Variants in CSNK1G1 observed in about 807,000 individuals in gnomAD.
CSNK1G1 encodes the protein casein kinase I isoform gamma-1.
A neutral mutation model predicts 59.6 loss-of-function variants in CSNK1G1; 22 were observed. The ratio of observed to expected loss-of-function variants is 0.37; its 90% CI spans 0.26 to 0.53. The LOEUF (loss-of-function observed/expected upper bound fraction) is 0.53. Among genes scored for constraint, CSNK1G1 ranks in the 20% least tolerant of loss-of-function variants. CSNK1G1 has a pLI of 0.89. For missense variants in CSNK1G1, 384 were observed against 519.5 expected, an observed-to-expected ratio of 0.74 and a Z score of 2.54; for synonymous variants, 179 against 177.1, an observed-to-expected ratio of 1.01 and a Z score of -0.08.
chr15:64,227,062 A>G (rs1364318032), intron 4 of CSNK1G1, among the ~76,000 whole-genome samples: 1 of 152,238 alleles, frequency 6.6e-6, no homozygotes, highest in East Asian at 1.9e-4. Flanking sequence ...TATGGTTAAA[A>G]TAAGTACTAA....
At chr15:64,221,595 T>C (rs1426215352) in intron 4 of CSNK1G1, among the ~76,000 whole-genome samples, 1 of 151,742 alleles carries the variant, frequency 6.6e-6, no homozygotes, top group Non-Finnish European at 1.5e-5. Context: ...AGGTCCGAGA[T>C]ACCAGTGTAG....
intron 2 of CSNK1G1, among the ~76,000 whole-genome samples, chr15:64,267,256 CAAAAAAAA>C (rs199581105): frequency 3.4e-4 from 21 of 61,850 alleles, no homozygotes; most frequent in Middle Eastern, 8.2e-3. Context: ...GACCTTATCT[CAAAAAAAA>C]AAAAAAAAAA....
Position 64,266,709 on chromosome 15 carries a change from C to G in CSNK1G1, c.182-7468G>C, listed in dbSNP as rs1372553204. 2.6e-5 allele frequency among the ~76,000 whole-genome samples: 4 copies of G among 152,234 alleles called. No individual in the cohort carries two copies. The East Asian group carries it at 7.7e-4, about 29-fold the overall frequency. Reference sequence around the variant, plus strand: ...GAATAGAGAACTCAGAAATAAATCTCCACATTTACAGGTAACTGATTTTCG... The same window carrying G: ...GAATAGAGAACTCAGAAATAAATCTGCACATTTACAGGTAACTGATTTTCG... On this transcript the variant is annotated intron_variant, in intron 2 of 11. Coordinates refer to ENST00000303052, the MANE Select transcript of CSNK1G1 (RefSeq NM_022048.5).
intron 1 of CSNK1G1, chr15:64,316,901 T>G (rs1896301429): frequency 6.6e-6 from 1 of 152,194 alleles, no homozygotes; most frequent in Non-Finnish European, 1.5e-5. Flanking sequence ...GTGGACCCCC[T>G]TACAGTTGTA....
intron 4 of CSNK1G1, among the ~76,000 whole-genome samples, chr15:64,230,385 C>T (rs1457509737): frequency 6.6e-6 from 1 of 151,930 alleles, no homozygotes; most frequent in African/African-American, 2.4e-5. Context: ...GCAGCCTTGA[C>T]TTCCCAGGCT....
intron 1 of CSNK1G1, 78 bp from the exon 2 acceptor site, chr15:64,300,801 G>A: frequency 1.1e-6 from 1 of 920,916 alleles, no homozygotes; most frequent in Non-Finnish European, 1.4e-6. Context: ...CAATTAGAAT[G>A]AATCCTATCC....
chr15:64,304,299 C>A (rs1433966598), intron 1 of CSNK1G1, among the ~76,000 whole-genome samples: 1 of 145,444 alleles, frequency 6.9e-6, no homozygotes, highest in Non-Finnish European at 1.5e-5. Flanking sequence ...AGGAGAATCG[C>A]TTGAACCTGG....
intron 11 of CSNK1G1, among the ~76,000 whole-genome samples, chr15:64,177,386 G>A (rs2081753710): frequency 1.3e-5 from 2 of 152,112 alleles, no homozygotes; most frequent in African/African-American, 4.8e-5. Flanking sequence ...GTGGACACAG[G>A]GCTACCCTTT....
chr15:64,287,296 C>T (rs1183488984), intron 2 of CSNK1G1, among the ~76,000 whole-genome samples: 1 of 152,138 alleles, frequency 6.6e-6, no homozygotes, highest in East Asian at 1.9e-4. Context: ...AACTTAACTA[C>T]TTTTGTTGAT....
chr15:64,213,959 G>A lies in CSNK1G1; in HGVS notation c.610C>T (p.Pro204Ser), dbSNP rs373517326. ...GTTAAACTTTTGTGTTCCCTATAAGGTATGTGTTTTTTGGTTTCGGGGTCA... is the reference window on the plus strand; with the variant it reads ...GTTAAACTTTTGTGTTCCCTATAAGATATGTGTTTTTTGGTTTCGGGGTCA... The part of the protein sequence containing the change: ...YIDPETKKHI[P>S]YREHKSLTGT... Residue 204 changes from proline (P) to serine (S), a missense_variant, in exon 6 of 12, where the codon CCT becomes TCT. Physicochemically the swap from Pro to Ser is moderately conservative, Grantham distance 74. Coordinates refer to ENST00000303052, the MANE Select transcript of CSNK1G1 (RefSeq NM_022048.5). 1 of 1,614,022 alleles carries A rather than the reference G, an allele frequency of 6.2e-7. No homozygotes were observed. Among genetic ancestry groups the A allele is most frequent in the Non-Finnish European group, 8.5e-7 (1 of 1,180,022 alleles).
At chr15:64,247,147 GA>G (rs1891803412) in intron 4 of CSNK1G1, among the ~76,000 whole-genome samples, 2 of 152,156 alleles carry the variant, frequency 1.3e-5, no homozygotes, top group Admixed American at 1.3e-4. Flanking sequence ...AGCTATGCTG[GA>G]AAAAAGATTT....
chr15:64,275,292 G>A (rs1893546893), intron 2 of CSNK1G1, among the ~76,000 whole-genome samples: 1 of 152,112 alleles, frequency 6.6e-6, no homozygotes, highest in African/African-American at 2.4e-5. Flanking sequence ...TCCCGTCTGG[G>A]CCTCCCAAAG....
chr15:64,326,100 T>C lies in CSNK1G1; in HGVS notation c.-224-25377A>G, dbSNP rs145130191. On this transcript the variant is annotated intron_variant, in intron 1 of 11. Transcript: ENST00000303052. ...AGCGAAGTGGCACAATCTTGGCTCA[T>C]TGCAACCTCGACTTCCCAGGTTTCA... Among the ~76,000 whole-genome samples the C allele has an allele frequency of 6.0e-4, 91 of 152,324 alleles. No homozygotes were observed. In the East Asian group the frequency reaches 9.5e-3, roughly 16 times the overall value.
At chr15:64,183,854 G>A (rs1436769242) in intron 10 of CSNK1G1, among the ~76,000 whole-genome samples, 1 of 151,384 alleles carries the variant, frequency 6.6e-6, no homozygotes, top group Non-Finnish European at 1.5e-5. Flanking sequence ...TCCTGCCTCA[G>A]CCTCCCGAGT....
intron 1 of CSNK1G1, among the ~76,000 whole-genome samples, chr15:64,347,188 A>C (rs78834270): frequency 2.0e-4 from 31 of 152,182 alleles, no homozygotes; most frequent in Admixed American, 2.0e-3. Flanking sequence ...CTTGTTATTC[A>C]TTACTCGTAG....
chr15:64,355,716 C>A (rs958322198), intron 1 of CSNK1G1, among the ~76,000 whole-genome samples: 1 of 152,126 alleles, frequency 6.6e-6, no homozygotes, highest in African/African-American at 2.4e-5. Context: ...GGCAAACTCC[C>A]GGTCCACACC....
intron 1 of CSNK1G1, among the ~76,000 whole-genome samples, chr15:64,314,847 T>C (rs1297883343): frequency 1.3e-5 from 2 of 152,214 alleles, no homozygotes; most frequent in East Asian, 3.8e-4. Context: ...TGTGTGTGCG[T>C]GTGTGTGTAC....
intron 7 of CSNK1G1, among the ~76,000 whole-genome samples, 185 bp from the exon 8 acceptor site, chr15:64,205,134 G>T (rs1334272399): frequency 6.6e-6 from 1 of 152,122 alleles, no homozygotes; most frequent in Non-Finnish European, 1.5e-5. Context: ...ACAAACATCT[G>T]CTGTGTTCTG....
intron 2 of CSNK1G1, among the ~76,000 whole-genome samples, chr15:64,292,331 C>G: frequency 6.6e-6 from 1 of 152,094 alleles, no homozygotes; most frequent in South Asian, 2.1e-4. Context: ...AAATAAGTGT[C>G]TTACTTTAGA....
Sources: gnomAD v4.1 joint callset for allele counts (sites outside exome capture counted in the v4.1 genomes callset) on GRCh38, gnomAD v4.1.1 for gene constraint, MANE v1.5 for transcripts, NCBI Gene and HGNC (gene_info 2026-07-23, HGNC 2026-07-21) for gene names.